The following PEX3 variants were observed in gnomAD, a reference collection of about 807,000 sequenced individuals.
The protein encoded by PEX3 is peroxisomal biogenesis factor 3.
PEX3 carries 30 observed loss-of-function variants against 55.8 expected under a neutral mutation model. That is an observed-to-expected ratio of 0.54 (90% CI 0.40 to 0.73). PEX3 has a LOEUF of 0.73. Ranked by LOEUF, PEX3 falls within the 30% of genes least tolerant of loss-of-function variation. The pLI, the probability that PEX3 is intolerant of heterozygous loss-of-function variation, is 0.00. For missense variants in PEX3, 351 were observed against 432.8 expected (o/e 0.81, Z 1.68); for synonymous variants, 135 against 148.4 (o/e 0.91, Z 0.66).
chr6:143,451,069 G>GA lies in PEX3; in HGVS notation c.30dup (p.Arg11ThrfsTer49). ...TGCTGAGGTCTGTATGGAATTTTCT[G>GA]AAACGCCACAAAAAGAAATGCATCT... On this transcript the variant is annotated frameshift_variant, in exon 1 of 12. Transcript: ENST00000367591. LOFTEE classifies it high-confidence loss of function. This position sits in a 1 kb window ranked among gnomAD's most constrained non-coding sequence, Gnocchi z 4.1. 1 of 1,613,880 alleles carries GA rather than the reference G, an allele frequency of 6.2e-7. No homozygotes were observed. The highest frequency in any genetic ancestry group is 8.5e-7 in the Non-Finnish European group (1 of 1,179,790).
chr6:143,467,369 A>C (rs552171704), intron 3 of PEX3, among the ~76,000 whole-genome samples: 3 of 152,120 alleles, frequency 2.0e-5, no homozygotes, highest in Non-Finnish European at 4.4e-5. Context: ...TCATATGCAC[A>C]TATAAATAAA....
At chr6:143,469,137 T>C (rs1780035852) in intron 4 of PEX3, among the ~76,000 whole-genome samples, 2 of 152,164 alleles carry the variant, frequency 1.3e-5, no homozygotes, top group Non-Finnish European at 2.9e-5. Flanking sequence ...AATAAACATA[T>C]GTGTGCATGT....
chr6:143,477,765 A>G (rs1168109031), intron 9 of PEX3, among the ~76,000 whole-genome samples: 1 of 152,002 alleles, frequency 6.6e-6, no homozygotes, highest in African/African-American at 2.4e-5. Context: ...TAAACCTTAC[A>G]GTAACCCTAG....
chr6:143,466,626 C>G lies in PEX3; in HGVS notation c.288-1496C>G, dbSNP rs998064167. 6.6e-6 allele frequency among the ~76,000 whole-genome samples: 1 copy of G among 151,878 alleles called. No homozygotes were observed. The highest frequency in any genetic ancestry group is 2.4e-5 in the African/African-American group (1 of 41,476). On this transcript the variant is annotated intron_variant, in intron 3 of 11. Transcript: ENST00000367591. The surrounding 1 kb of genome is among the most constrained non-coding windows in gnomAD (Gnocchi z 5.4). ...ACTATCTTCAGTTTCAGGCATCTAC[C>G]GAGGGTCTTCAAACGTATCCCCCAA...
rs923958365 is a variant in PEX3 at position 143,479,606 on chromosome 6, T to C, written c.941+408T>C. On this transcript the variant is annotated intron_variant, in intron 10 of 11. Transcript: ENST00000367591. The surrounding 1 kb of genome is among the most constrained non-coding windows in gnomAD (Gnocchi z 4.6). ...TGTTCCTTATAATACCCGGGCATTG[T>C]TGGTATAGATTCTCATTTGATGAAT... Among the ~76,000 whole-genome samples, 2 of 152,108 alleles carry C rather than the reference T, an allele frequency of 1.3e-5. No individual in the cohort carries two copies. The highest frequency in any genetic ancestry group is 4.8e-5 in the African/African-American group (2 of 41,458).
At chr6:143,480,077 C>G (rs1780214442) in intron 10 of PEX3, among the ~76,000 whole-genome samples, 2 of 151,806 alleles carry the variant, frequency 1.3e-5, no homozygotes, top group Non-Finnish European at 2.9e-5. Flanking sequence ...TCTCTGAGAC[C>G]CTTCTTTATT....
At chr6:143,474,193 T>C (rs1286236184) in intron 8 of PEX3, among the ~76,000 whole-genome samples, 1 of 151,950 alleles carries the variant, frequency 6.6e-6, no homozygotes, top group African/African-American at 2.4e-5. Flanking sequence ...TGCACGCCTG[T>C]AATCCCAGCA....
chr6:143,458,985 A>G lies in PEX3; in HGVS notation c.74-100A>G, dbSNP rs1434471392. ...AGGTTTTAAAAATGTAATTTTAGCT[A>G]TCCACTAATATAAAACTTATAATTG... is the stretch of plus-strand genomic sequence containing the variant. On this transcript the variant is annotated intron_variant, in intron 1 of 11. Coordinates refer to ENST00000367591, the MANE Select transcript of PEX3 (RefSeq NM_003630.3). This position sits in a 1 kb window ranked among gnomAD's most constrained non-coding sequence, Gnocchi z 6.1. The G allele has an allele frequency of 2.7e-6, 2 of 749,774 alleles. No individual in the cohort carries two copies. Among genetic ancestry groups the G allele is most frequent in the South Asian group, 1.6e-5 (1 of 61,506 alleles). 46.4% of individuals were successfully genotyped at this position (749,774 alleles called of 1,614,324 possible).
Position 143,475,546 on chromosome 6 carries a change from G to A in PEX3, c.818+690G>A, listed in dbSNP as rs1471467295. ...TGCACACCTGTGGTCCCAGTTACTT[G>A]GGAGGCTGAGGTGGAAGGATCACCT... On this transcript the variant is annotated intron_variant, in intron 9 of 11. Transcript: ENST00000367591. The surrounding 1 kb of genome is among the most constrained non-coding windows in gnomAD (Gnocchi z 4.4). 1.3e-5 allele frequency among the ~76,000 whole-genome samples: 2 copies of A among 152,140 alleles called. No individual in the cohort carries two copies. The highest frequency in any genetic ancestry group is 3.9e-4 in the East Asian group (2 of 5,192).
At position 143,465,345 on chromosome 6, in the gene PEX3, A is replaced by G. The variant is rs1002131808; in HGVS notation, c.287+2348A>G. 4.6e-5 allele frequency among the ~76,000 whole-genome samples: 7 copies of G among 152,010 alleles called. No individual in the cohort carries two copies. The highest frequency in any genetic ancestry group is 1.2e-4 in the African/African-American group (5 of 41,436). ...TTTAAGGTCTAATAATGTTAAGTGT[A>G]AACATGAAGAAATGTCCTGGGTAAC... On this transcript the variant is annotated intron_variant, in intron 3 of 11. Transcript: ENST00000367591. The surrounding 1 kb of genome is among the most constrained non-coding windows in gnomAD (Gnocchi z 4.7).
At position 143,453,276 on chromosome 6, in the gene PEX3, A is replaced by G. The variant is rs910200893; in HGVS notation, c.73+2161A>G. Reference sequence around the variant, plus strand: ...ATCAGGAAGAATTTCATGGAAGAAGAGACACATTTTGACAGGCTTGAAAGC... The same window carrying G: ...ATCAGGAAGAATTTCATGGAAGAAGGGACACATTTTGACAGGCTTGAAAGC... On this transcript the variant is annotated intron_variant, in intron 1 of 11. Transcript: ENST00000367591. This position sits in a 1 kb window ranked among gnomAD's most constrained non-coding sequence, Gnocchi z 4.6. Among the ~76,000 whole-genome samples, 1 of 152,210 alleles carries G rather than the reference A, an allele frequency of 6.6e-6. No individual in the cohort carries two copies. The highest frequency in any genetic ancestry group is 2.4e-5 in the African/African-American group (1 of 41,454).
chr6:143,458,793 A>G lies in PEX3; in HGVS notation c.74-292A>G, dbSNP rs116732654. On this transcript the variant is annotated intron_variant, in intron 1 of 11. Transcript: ENST00000367591. This position sits in a 1 kb window ranked among gnomAD's most constrained non-coding sequence, Gnocchi z 6.1. Reference sequence around the variant, plus strand: ...TTTAAACAATTCTCCATTGCTGGACATGTAGAATATCTCTAGTCTACTAGT... The same window carrying G: ...TTTAAACAATTCTCCATTGCTGGACGTGTAGAATATCTCTAGTCTACTAGT... 1.8e-4 allele frequency among the ~76,000 whole-genome samples: 28 copies of G among 152,332 alleles called. No individual in the cohort carries two copies. The highest frequency in any genetic ancestry group is 6.5e-4 in the African/African-American group (27 of 41,592).
intron 1 of PEX3, among the ~76,000 whole-genome samples, chr6:143,457,246 A>G (rs1427800833): frequency 2.0e-5 from 3 of 152,206 alleles, no homozygotes; most frequent in Non-Finnish European, 4.4e-5. Context: ...ACTTTGTGAA[A>G]TGTAAGTCAG....
At chr6:143,472,897 A>C (rs904289738) in intron 8 of PEX3, among the ~76,000 whole-genome samples, 3 of 152,258 alleles carry the variant, frequency 2.0e-5, no homozygotes, top group African/African-American at 7.2e-5. Context: ...TAATCCAAAA[A>C]TTATCAACTA....
intron 4 of PEX3, among the ~76,000 whole-genome samples, chr6:143,469,962 G>A (rs1192317568): frequency 1.3e-5 from 2 of 152,006 alleles, no homozygotes; most frequent in Non-Finnish European, 1.5e-5. Context: ...TTTCTGGGGG[G>A]TGAGGGGAGA....
chr6:143,453,444 A>G lies in PEX3; in HGVS notation c.73+2329A>G, dbSNP rs1326217844. Among the ~76,000 whole-genome samples, 1 of 152,118 alleles carries G rather than the reference A, an allele frequency of 6.6e-6. No homozygotes were observed. ...TTTTGGGTGGGTAACTAATTGGTTT[A>G]CGCGTTTGTATAATTTGACCAGTTT... On this transcript the variant is annotated intron_variant, in intron 1 of 11. Coordinates refer to ENST00000367591, the MANE Select transcript of PEX3 (RefSeq NM_003630.3). This position sits in a 1 kb window ranked among gnomAD's most constrained non-coding sequence, Gnocchi z 4.6.
At chr6:143,481,325 G>T (rs929318855) in intron 10 of PEX3, among the ~76,000 whole-genome samples, 2 of 151,878 alleles carry the variant, frequency 1.3e-5, no homozygotes, top group Admixed American at 1.3e-4. Flanking sequence ...CCATGTGCTA[G>T]TTTGATGATA....
rs1197155135 is a variant in PEX3 at position 143,458,270 on chromosome 6, A to G, written c.74-815A>G. Reference sequence around the variant, plus strand: ...TGCCTATGCTGAAATCTGTTAAATCACAGGCCACATGACACCACCTATATT... The same window carrying G: ...TGCCTATGCTGAAATCTGTTAAATCGCAGGCCACATGACACCACCTATATT... On this transcript the variant is annotated intron_variant, in intron 1 of 11. Coordinates refer to ENST00000367591, the MANE Select transcript of PEX3 (RefSeq NM_003630.3). This position sits in a 1 kb window ranked among gnomAD's most constrained non-coding sequence, Gnocchi z 6.1. Among the ~76,000 whole-genome samples the G allele has an allele frequency of 1.3e-5, 2 of 152,176 alleles. No homozygotes were observed. The highest frequency in any genetic ancestry group is 2.9e-5 in the Non-Finnish European group (2 of 68,018).
At chr6:143,468,246 T>A (rs917495620) in intron 4 of PEX3, 81 bp downstream of exon 4, 32 of 902,588 alleles carry the variant, frequency 3.5e-5, no homozygotes, top group Non-Finnish European at 5.6e-5. Context: ...AGGATGACTC[T>A]TCTTTACCTG....
Sources: allele counts gnomAD v4.1 joint callset (sites outside exome capture counted in the v4.1 genomes callset), GRCh38; gene constraint gnomAD v4.1.1; non-coding constraint Gnocchi (gnomAD v3.1); transcripts MANE v1.5; gene names NCBI Gene and HGNC (gene_info 2026-07-23, HGNC 2026-07-21).